The following PCLO variants were observed in gnomAD, a reference collection of about 807,000 sequenced individuals.
The protein encoded by PCLO is piccolo presynaptic cytomatrix protein, also known as protein piccolo.
PCLO carries 82 observed loss-of-function variants against 427.5 expected under a neutral mutation model. The observed-to-expected ratio is 0.19, with a 90% CI of 0.16 to 0.23. The LOEUF is 0.23. PCLO is among the 10% of genes least tolerant of loss of function. The pLI is 1.00. For missense variants in PCLO, 6,239 were observed against 6,115.9 expected (o/e 1.02, Z -0.67); for synonymous variants, 2,357 against 2,155.4 (o/e 1.09, Z -2.59).
chr7:82,765,891 G>A (rs116340978), intron 22 of PCLO, among the ~76,000 whole-genome samples: 72,538 of 147,762 alleles, frequency 0.49, 18,368 homozygotes, highest in East Asian at 0.72. Context: ...AGAAGTTAGC[G>A]GGGGGAGAAA....
At chr7:82,855,947 A>C (rs1404862135) in intron 10 of PCLO, among the ~76,000 whole-genome samples, 2 of 152,182 alleles carry the variant, frequency 1.3e-5, no homozygotes, top group Non-Finnish European at 2.9e-5. Flanking sequence ...AATTGCCAAG[A>C]GGTGCCTTTA....
intron 3 of PCLO, among the ~76,000 whole-genome samples, chr7:83,075,862 A>G (rs1293308606): frequency 8.5e-5 from 13 of 152,162 alleles, no homozygotes; most frequent in Admixed American, 7.2e-4. Flanking sequence ...TTTCTTTGAT[A>G]TATCTTTTAT....
chr7:82,862,797 A>C (rs1327755553), intron 10 of PCLO, among the ~76,000 whole-genome samples: 1 of 151,972 alleles, frequency 6.6e-6, no homozygotes, highest in Non-Finnish European at 1.5e-5. Context: ...GGGATCTAAA[A>C]ATCAAAACTA....
In PCLO at chr7:82,754,508, A is replaced by T. The variant is rs976204085; in HGVS notation, c.*4067T>A. The stretch of plus-strand genomic sequence containing the variant: ...CAAACAAATATACAGACACAATCAA[A>T]CAATAATCATATTCACATGCTAAAT... On this transcript the variant is annotated 3_prime_UTR_variant, in exon 25 of 25. Coordinates refer to ENST00000333891, the MANE Select transcript of PCLO (RefSeq NM_033026.6). 6.6e-6 allele frequency: 1 copy of T among 152,138 alleles called. No homozygotes were observed. The highest frequency in any genetic ancestry group is 1.9e-4 in the East Asian group (1 of 5,202). 9.4% of individuals were successfully genotyped at this position (152,138 alleles called of 1,614,324 possible).
chr7:82,812,375 G>A (rs1289389238), intron 20 of PCLO, among the ~76,000 whole-genome samples: 2 of 151,458 alleles, frequency 1.3e-5, no homozygotes, highest in Admixed American at 6.6e-5. Context: ...TGTTGGCTCC[G>A]TATACTATAA....
chr7:82,879,878 C>T lies in PCLO; in HGVS notation c.13529-416G>A, dbSNP rs1192468227. The T allele has an allele frequency of 2.5e-5, 11 of 444,170 alleles. No individual in the cohort carries two copies. In the Admixed American group the frequency reaches 2.7e-4, roughly 11 times the overall value. 27.5% of individuals were successfully genotyped at this position (444,170 alleles called of 1,614,324 possible). A position where few individuals can be genotyped will look rare whatever the true frequency, so the allele number is the denominator to read the frequency against. ...ATTGAGAAGACACAATCCAATCATACATACAATTGTAATTTATAAAGTGAA... is the reference window on the plus strand; with the variant it reads ...ATTGAGAAGACACAATCCAATCATATATACAATTGTAATTTATAAAGTGAA... On this transcript the variant is annotated intron_variant, in intron 9 of 24. Coordinates refer to ENST00000333891, the MANE Select transcript of PCLO (RefSeq NM_033026.6).
At chr7:82,998,068 T>C (rs1787673837) in intron 3 of PCLO, among the ~76,000 whole-genome samples, 1 of 151,898 alleles carries the variant, frequency 6.6e-6, no homozygotes, top group African/African-American at 2.4e-5. Flanking sequence ...GACAGGTAGA[T>C]ACAGAGAAGC....
At chr7:82,912,964 C>T (rs746561836) in intron 7 of PCLO, among the ~76,000 whole-genome samples, 46 of 152,026 alleles carry the variant, frequency 3.0e-4, no homozygotes, top group South Asian at 1.7e-3. Context: ...ATAGACATGA[C>T]TATTGGATAA....
At chr7:82,798,950 G>A (rs747555582) in intron 22 of PCLO, among the ~76,000 whole-genome samples, 5 of 152,092 alleles carry the variant, frequency 3.3e-5, no homozygotes, top group Non-Finnish European at 5.9e-5. Flanking sequence ...CGCTAAAGGG[G>A]AAACATATTG....
intron 3 of PCLO, among the ~76,000 whole-genome samples, chr7:83,038,004 TA>T (rs1788842463): frequency 2.6e-5 from 1 of 38,276 alleles, no homozygotes; most frequent in African/African-American, 2.0e-4. Flanking sequence ...TATATATATA[TA>T]TATATATATA....
rs557658951 is a variant in PCLO, at chr7:82,956,358, C to T, written c.4595G>A (p.Ser1532Asn). Reference sequence around the variant, plus strand: ...CTCATCACTGCTTGATGAGCCAACACTAGTTCTTCGTTTTCTTTGTGGAAC... The same window carrying T: ...CTCATCACTGCTTGATGAGCCAACATTAGTTCTTCGTTTTCTTTGTGGAAC... ...SPVPQRKRRT[S>N]VGSSSSDEYK... The change falls in exon 5 of 25, where the codon AGT becomes AAT. Residue 1532 changes from serine to asparagine, a missense_variant. Physicochemically the swap from Ser to Asn is conservative, Grantham distance 46. Transcript: ENST00000333891. The T allele has an allele frequency of 1.6e-4, 258 of 1,613,370 alleles. 1 individual carries two copies. The South Asian group carries it at 2.6e-3, about 16-fold the overall frequency.
rs28726270 is a variant in PCLO, at chr7:83,135,475, T to C, written c.2075A>G (p.Gln692Arg). 5.6e-6 allele frequency: 9 copies of C among 1,613,568 alleles called. No homozygotes were observed. The Admixed American group carries it at 1.5e-4, about 27-fold the overall frequency. Reference sequence around the variant, plus strand: ...AGGCTCAGGTGCCTTGGAGAGATCCTGTTTTGGTGCAGCATCCTTCTTTGG... The same window carrying C: ...AGGCTCAGGTGCCTTGGAGAGATCCCGTTTTGGTGCAGCATCCTTCTTTGG... ...TSPKKDAAPK[Q>R]DLSKAPEPKK... Residue 692 changes from glutamine (Q) to arginine (R), a missense_variant, in exon 3 of 25, where the codon CAG becomes CGG. Coordinates refer to ENST00000333891, the MANE Select transcript of PCLO (RefSeq NM_033026.6).
intron 22 of PCLO, among the ~76,000 whole-genome samples, chr7:82,789,591 GC>G (rs1177017414): frequency 6.6e-6 from 1 of 152,116 alleles, no homozygotes; most frequent in Non-Finnish European, 1.5e-5. Flanking sequence ...CTGTAATCCA[GC>G]TACTCGGGAG....
intron 15 of PCLO, among the ~76,000 whole-genome samples, chr7:82,836,844 G>A (rs146202146): frequency 1.5e-3 from 228 of 152,082 alleles, no homozygotes; most frequent in African/African-American, 5.2e-3. Context: ...GCTCTAATTT[G>A]GATCCTGTTT....
At chr7:83,003,035 T>C (rs565574871) in intron 3 of PCLO, among the ~76,000 whole-genome samples, 1 of 151,654 alleles carries the variant, frequency 6.6e-6, no homozygotes, top group Non-Finnish European at 1.5e-5. Flanking sequence ...GAAATATATC[T>C]GAAAGATCAT....
chr7:82,944,935 TGAA>T (rs1795166936), intron 6 of PCLO, among the ~76,000 whole-genome samples: 2 of 152,310 alleles, frequency 1.3e-5, no homozygotes, highest in African/African-American at 2.4e-5. Context: ...ATATTCCAAA[TGAA>T]GAAGAGTTCT....
In PCLO at chr7:82,915,356, T is replaced by C. The variant is rs1334725176; in HGVS notation, c.12630A>G (p.Arg4210=). The change falls in exon 7 of 25, where the codon AGA becomes AGG. Residue 4210 remains arginine (R), a synonymous_variant. Coordinates refer to ENST00000333891, the MANE Select transcript of PCLO (RefSeq NM_033026.6). ...AGCTTGAATAATCAGGTTCAAGGTCTCTACTTTCTTGAATAGGTGAAAATT... is the reference window on the plus strand; with the variant it reads ...AGCTTGAATAATCAGGTTCAAGGTCCCTACTTTCTTGAATAGGTGAAAATT... ...MSKFSPIQES[R]DLEPDYSSYM... is the part of the protein sequence containing the mutation. 1 of 1,613,390 alleles carries C rather than the reference T, an allele frequency of 6.2e-7. No homozygotes were observed. Among genetic ancestry groups the C allele is most frequent in the Non-Finnish European group, 8.5e-7 (1 of 1,179,654 alleles).
intron 3 of PCLO, 31 bp downstream of exon 3, chr7:83,134,217 TAA>T: frequency 4.5e-6 from 2 of 440,418 alleles, no homozygotes; most frequent in South Asian, 1.9e-4. Flanking sequence ...CCTCCATATG[TAA>T]TATATATATA....
At chr7:82,890,091 A>T (rs1793722449) in intron 9 of PCLO, among the ~76,000 whole-genome samples, 1 of 151,834 alleles carries the variant, frequency 6.6e-6, no homozygotes, top group South Asian at 2.1e-4. Flanking sequence ...AAGTATACAT[A>T]CAAGAAAAAG....
Sources: gnomAD v4.1 joint callset for allele counts (sites outside exome capture counted in the v4.1 genomes callset) on GRCh38, gnomAD v4.1.1 for gene constraint, MANE v1.5 for transcripts, NCBI Gene and HGNC (gene_info 2026-07-23, HGNC 2026-07-21) for gene names.